Variants in NCOA3 observed in about 807,000 individuals in gnomAD.
NCOA3 encodes nuclear receptor coactivator 3.
NCOA3 carries 51 observed loss-of-function variants against 158.8 expected under a neutral mutation model. That is an observed-to-expected ratio of 0.32 (90% CI 0.26 to 0.41). The LOEUF (loss-of-function observed/expected upper bound fraction) is 0.41. Ranked by LOEUF, NCOA3 falls within the 10% of genes least tolerant of loss-of-function variation. The probability of loss-of-function intolerance (pLI) is 1.00; values close to 1 mark genes in which losing one functional copy is unlikely to be tolerated. For missense variants in NCOA3, 1,510 were observed against 1,746.6 expected, an observed-to-expected ratio of 0.86 and a Z score of 2.41; for synonymous variants, 537 against 592.4, an observed-to-expected ratio of 0.91 and a Z score of 1.36.
chr20:47,588,131 C>CTTTTTTTTT (rs33989951), intron 2 of NCOA3, among the ~76,000 whole-genome samples: 1 of 78,550 alleles, frequency 1.3e-5, no homozygotes, highest in African/African-American at 4.8e-5. Context: ...CTCCACCCCA[C>CTTTTTTTTT]TTTTTTTTTT....
In NCOA3 at chr20:47,606,511, T is replaced by C. The variant is rs569413369; in HGVS notation, c.-19-15718T>C. 1.4e-4 allele frequency among the ~76,000 whole-genome samples: 21 copies of C among 152,256 alleles called. No homozygotes were observed. The South Asian group carries it at 4.4e-3, about 32-fold the overall frequency. On this transcript the variant is annotated intron_variant, in intron 2 of 22. Coordinates refer to ENST00000371998, the MANE Select transcript of NCOA3 (RefSeq NM_181659.3). The stretch of plus-strand genomic sequence containing the variant: ...AAAAAATCAGTTTTCCACTGAGGAT[T>C]GTCCATGATGAAGCAGCAACACTAC...
At position 47,605,079 on chromosome 20, in the gene NCOA3, G is replaced by T. The variant is rs1376617733; in HGVS notation, c.-19-17150G>T. Reference sequence around the variant, plus strand: ...GACAGTGTTTCACCATGTTGGCCAGGATGGTCTCGATCTCTTGACCTCGTG... The same window carrying T: ...GACAGTGTTTCACCATGTTGGCCAGTATGGTCTCGATCTCTTGACCTCGTG... On this transcript the variant is annotated intron_variant, in intron 2 of 22. Coordinates refer to ENST00000371998, the MANE Select transcript of NCOA3 (RefSeq NM_181659.3). 2.6e-5 allele frequency among the ~76,000 whole-genome samples: 4 copies of T among 152,152 alleles called. No homozygotes were observed. In the East Asian group the frequency reaches 7.7e-4, roughly 29 times the overall value.
chr20:47,525,867 G>A (rs1602346470), intron 1 of NCOA3, among the ~76,000 whole-genome samples: 3 of 28,748 alleles, frequency 1.0e-4, no homozygotes, highest in Admixed American at 4.8e-4. Flanking sequence ...CTTCCCGGAT[G>A]GGGCGGCTGG....
At chr20:47,633,663 T>G (rs2086459605) in intron 9 of NCOA3, 27 bp downstream of exon 9, 1 of 1,601,092 alleles carries the variant, frequency 6.2e-7, no homozygotes, top group African/African-American at 1.3e-5. Flanking sequence ...TTGATTGTTC[T>G]TATCATTTTA....
chr20:47,652,625 A>G (rs758861608), intron 21 of NCOA3, 45 bp downstream of exon 21: 2 of 1,550,466 alleles, frequency 1.3e-6, no homozygotes, highest in Admixed American at 1.8e-5. Flanking sequence ...CTAGTCCCAG[A>G]AGTCCAAGAA....
intron 8 of NCOA3, 108 bp downstream of exon 8, chr20:47,628,131 A>G (rs1226627406): frequency 1.4e-6 from 1 of 701,280 alleles, no homozygotes; most frequent in African/African-American, 1.8e-5. Context: ...ATAGAAATGT[A>G]TACCTACTGT....
intron 8 of NCOA3, among the ~76,000 whole-genome samples, chr20:47,632,134 T>C (rs2146314300): frequency 6.6e-6 from 1 of 152,366 alleles, no homozygotes; most frequent in Admixed American, 6.5e-5. Flanking sequence ...ATTGGGCTTC[T>C]GATCCTCTCC....
chr20:47,502,525 C>G (rs921562891), intron 1 of NCOA3, among the ~76,000 whole-genome samples: 2 of 152,028 alleles, frequency 1.3e-5, no homozygotes, highest in African/African-American at 4.8e-5. Flanking sequence ...TTCCTCCTCA[C>G]TTGGGCATTT....
intron 1 of NCOA3, among the ~76,000 whole-genome samples, chr20:47,506,357 T>C (rs1347410896): frequency 1.3e-5 from 2 of 152,200 alleles, no homozygotes; most frequent in Non-Finnish European, 2.9e-5. Context: ...ATTATGGAAT[T>C]GAATTTAATT....
intron 1 of NCOA3, among the ~76,000 whole-genome samples, chr20:47,544,537 A>G (rs985275724): frequency 2.0e-5 from 3 of 151,856 alleles, no homozygotes; most frequent in Admixed American, 6.6e-5. Context: ...TGTTGCCTTT[A>G]TATTAAAATC....
chr20:47,542,022 T>TG (rs1343864135), intron 1 of NCOA3, among the ~76,000 whole-genome samples: 1 of 118,134 alleles, frequency 8.5e-6, no homozygotes, highest in South Asian at 2.8e-4. Flanking sequence ...TTTTTTTTTT[T>TG]TTTTTTTTGT....
intron 1 of NCOA3, among the ~76,000 whole-genome samples, chr20:47,518,080 C>T (rs985813900): frequency 2.0e-5 from 3 of 152,046 alleles, no homozygotes; most frequent in African/African-American, 7.2e-5. Context: ...GCCATGATGG[C>T]TCACACCTGT....
chr20:47,530,982 T>C (rs1024545252), intron 1 of NCOA3, among the ~76,000 whole-genome samples: 13 of 152,218 alleles, frequency 8.5e-5, no homozygotes, highest in Non-Finnish European at 1.9e-4. Context: ...TGTAATTATC[T>C]ACCCTGTTTC....
At chr20:47,598,080 C>G (rs1386320964) in intron 2 of NCOA3, among the ~76,000 whole-genome samples, 1 of 150,738 alleles carries the variant, frequency 6.6e-6, no homozygotes, top group African/African-American at 2.4e-5. Flanking sequence ...CCCATCTCCA[C>G]TAAAAAATAC....
chr20:47,515,523 G>T (rs1396841551), intron 1 of NCOA3, among the ~76,000 whole-genome samples: 1 of 130,266 alleles, frequency 7.7e-6, no homozygotes, highest in Non-Finnish European at 1.6e-5. Context: ...GGGTCACTCT[G>T]TTACCCAGGC....
In NCOA3 at chr20:47,635,398, T is replaced by G. The variant is rs779707597; in HGVS notation, c.1189T>G (p.Ser397Ala). Residue 397 changes from serine to alanine, a missense_variant, in exon 11 of 23, where the codon TCG (serine) becomes GCG (alanine). Coordinates refer to ENST00000371998, the MANE Select transcript of NCOA3 (RefSeq NM_181659.3). Reference protein sequence around the residue: ...IRPPMAGCNSSVGGMSMSPNQ... With the variant: ...IRPPMAGCNSAVGGMSMSPNQ... ...ACCACCTATGGCTGGATGCAACAGT[T>G]CGGTAGGCGGCATGAGTATGTCGCC... The G allele has an allele frequency of 2.6e-5, 42 of 1,614,054 alleles. No individual in the cohort carries two copies. Among genetic ancestry groups the G allele is most frequent in the Non-Finnish European group, 3.6e-5 (42 of 1,180,016 alleles).
chr20:47,600,814 C>CA (rs376125255), intron 2 of NCOA3, among the ~76,000 whole-genome samples: 17,357 of 72,562 alleles, frequency 0.24, 1,561 homozygotes, highest in Middle Eastern at 0.42. Context: ...CTGTCCCTGG[C>CA]AAAAAAAAAA....
chr20:47,508,842 A>G (rs1458498021), intron 1 of NCOA3, among the ~76,000 whole-genome samples: 1 of 152,222 alleles, frequency 6.6e-6, no homozygotes, highest in Non-Finnish European at 1.5e-5. Flanking sequence ...TACCTAGGGC[A>G]GAGTTCAGAA....
At chr20:47,629,064 T>G (rs2086371172) in intron 8 of NCOA3, among the ~76,000 whole-genome samples, 1 of 152,194 alleles carries the variant, frequency 6.6e-6, no homozygotes, top group Non-Finnish European at 1.5e-5. Flanking sequence ...ATGTGGACTT[T>G]TAACAAGTGA....
Sources: allele counts gnomAD v4.1 joint callset (sites outside exome capture counted in the v4.1 genomes callset), GRCh38; gene constraint gnomAD v4.1.1; transcripts MANE v1.5; gene names NCBI Gene and HGNC (gene_info 2026-07-23, HGNC 2026-07-21).